The following SLCO1A2 variants were observed in gnomAD, a reference collection of about 807,000 sequenced individuals.
The protein encoded by SLCO1A2 is solute carrier organic anion transporter family member 1A2.
A neutral mutation model predicts 69.0 loss-of-function variants in SLCO1A2; 67 were observed. That is an observed-to-expected ratio of 0.97 (90% confidence interval 0.80 to 1.19). The LOEUF is 1.19. Among genes scored for constraint, SLCO1A2 ranks in the 50% most tolerant of loss-of-function variants. The pLI, the probability that SLCO1A2 is intolerant of heterozygous loss-of-function variation, is 0.00. For missense variants in SLCO1A2, 787 were observed against 793.7 expected (o/e 0.99, Z 0.10); for synonymous variants, 260 against 265.9 (o/e 0.98, Z 0.22).
At chr12:21,281,445 G>C (rs572998834) in intron 12 of SLCO1A2, among the ~76,000 whole-genome samples, 1 of 149,402 alleles carries the variant, frequency 6.7e-6, no homozygotes, top group Non-Finnish European at 1.5e-5. Context: ...GTGAGACTCC[G>C]TCTCAAAAAA....
At chr12:21,300,698 TA>T in intron 7 of SLCO1A2, 129 bp from the exon 8 acceptor site, 2 of 689,882 alleles carry the variant, frequency 2.9e-6, no homozygotes, top group Non-Finnish European at 4.6e-6. Flanking sequence ...CAGACACTGA[TA>T]AAATTTTTCT....
chr12:21,395,726 A>T (rs1040101299), upstream of SLCO1A2, among the ~76,000 whole-genome samples: 1 of 151,996 alleles, frequency 6.6e-6, no homozygotes, highest in African/African-American at 2.4e-5. Flanking sequence ...CTGACCCCCG[A>T]GCAGCCTAAC....
At chr12:21,278,931 G>A (rs2136148079) in intron 12 of SLCO1A2, among the ~76,000 whole-genome samples, 1 of 152,032 alleles carries the variant, frequency 6.6e-6, no homozygotes, top group Admixed American at 6.6e-5. Flanking sequence ...GCTATTTTGA[G>A]GAAACTCAAA....
At chr12:21,285,945 G>A (rs1427501884) in intron 12 of SLCO1A2, among the ~76,000 whole-genome samples, 3 of 152,028 alleles carry the variant, frequency 2.0e-5, no homozygotes, top group African/African-American at 7.2e-5. Context: ...TTGAAAACTG[G>A]CACAAGACAG....
At chr12:21,352,982 A>G (rs1938078664) in intron 2 of SLCO1A2, among the ~76,000 whole-genome samples, 1 of 152,236 alleles carries the variant, frequency 6.6e-6, no homozygotes, top group South Asian at 2.1e-4. Context: ...TTAGATTTCA[A>G]CTTTAATTAT....
intron 2 of SLCO1A2, among the ~76,000 whole-genome samples, chr12:21,353,973 T>C (rs1185765543): frequency 2.0e-5 from 3 of 152,222 alleles, no homozygotes; most frequent in Non-Finnish European, 4.4e-5. Context: ...ATTCTCCTGC[T>C]TACCACTTTC....
chr12:21,339,100 G>T (rs890233941), upstream of SLCO1A2, among the ~76,000 whole-genome samples: 1 of 151,956 alleles, frequency 6.6e-6, no homozygotes, highest in African/African-American at 2.4e-5. Context: ...TCCTTGCAGG[G>T]CTGCTGAAAT....
intron 2 of SLCO1A2, chr12:21,373,266 T>C: frequency 1.0e-6 from 1 of 956,744 alleles, no homozygotes; most frequent in Non-Finnish European, 1.7e-6. Flanking sequence ...AAAACTAAGC[T>C]CTAATTTAAA....
intron 11 of SLCO1A2, 137 bp from the exon 12 acceptor site, chr12:21,292,473 A>G (rs900369305): frequency 5.6e-6 from 3 of 531,484 alleles, no homozygotes; most frequent in African/African-American, 1.9e-5. Context: ...GTCTCTCAAG[A>G]TTACACCATA....
chr12:21,312,979 G>A (rs886476598), intron 4 of SLCO1A2, among the ~76,000 whole-genome samples: 2 of 152,084 alleles, frequency 1.3e-5, no homozygotes, highest in Non-Finnish European at 2.9e-5. Context: ...TCAGCCACTG[G>A]AGAGGCTGAA....
At chr12:21,314,436 C>A in intron 4 of SLCO1A2, 113 bp downstream of exon 4, 1 of 1,102,496 alleles carries the variant, frequency 9.1e-7, no homozygotes, top group Non-Finnish European at 1.3e-6. Flanking sequence ...TCTTCCCCTT[C>A]CCATTACAGT....
At chr12:21,395,195 G>C (rs551675615) in exon 1 of SLCO1A2, 1 of 153,386 alleles carries the variant, frequency 6.5e-6, no homozygotes, top group Non-Finnish European at 1.4e-5. Context: ...GCAGGGTGAG[G>C]CATTGCCTCA....
chr12:21,369,748 T>C (rs1939649888), intron 2 of SLCO1A2, among the ~76,000 whole-genome samples: 1 of 152,180 alleles, frequency 6.6e-6, no homozygotes, highest in East Asian at 1.9e-4. Context: ...AGCTCCCAGG[T>C]GATGCAAAAG....
intron 8 of SLCO1A2, among the ~76,000 whole-genome samples, chr12:21,298,438 TG>T (rs989533043): frequency 5.9e-5 from 9 of 152,180 alleles, no homozygotes; most frequent in African/African-American, 2.2e-4. Context: ...TCACTTTTCC[TG>T]TCCACATGTT....
At chr12:21,270,844 T>A (rs981056560) in intron 14 of SLCO1A2, among the ~76,000 whole-genome samples, 1 of 151,708 alleles carries the variant, frequency 6.6e-6, no homozygotes, top group Non-Finnish European at 1.5e-5. Context: ...GTTTTATTTG[T>A]GCCTCCTCTC....
chr12:21,297,606 G>A, intron 8 of SLCO1A2, 38 bp from the exon 9 acceptor site: 1 of 1,427,832 alleles, frequency 7.0e-7, no homozygotes, highest in Non-Finnish European at 9.3e-7. Context: ...AAACGAACTT[G>A]GCTTTGCATT....
In SLCO1A2 at chr12:21,318,851, T is replaced by C; in HGVS notation, c.133A>G (p.Thr45Ala). The C allele has an allele frequency of 6.2e-7, 1 of 1,611,614 alleles. No homozygotes were observed. The highest frequency in any genetic ancestry group is 8.5e-7 in the Non-Finnish European group (1 of 1,178,630). Reference sequence around the variant, plus strand: ...ATGTTGAATTGTCTCTCTATTTGTGTGAGCATGGAATTCATATAAGATCCA... The same window carrying C: ...ATGTTGAATTGTCTCTCTATTTGTGCGAGCATGGAATTCATATAAGATCCA... ...LSGSYMNSML[T>A]QIERQFNIPT... Residue 45 changes from threonine to alanine, a missense_variant, in exon 3 of 15, where the codon ACA becomes GCA. By Grantham distance (58) the Thr-to-Ala change is moderately conservative. Transcript: ENST00000683939.
chr12:21,365,240 C>T (rs547747381), intron 2 of SLCO1A2, among the ~76,000 whole-genome samples: 1 of 152,084 alleles, frequency 6.6e-6, no homozygotes, highest in Non-Finnish European at 1.5e-5. Flanking sequence ...AGAAATAATA[C>T]CACACATCTA....
chr12:21,407,969 C>T (rs1356434740), intron 1 of SLCO1A2, among the ~76,000 whole-genome samples: 1 of 152,110 alleles, frequency 6.6e-6, no homozygotes, highest in East Asian at 1.9e-4. Flanking sequence ...AAAATCTGCA[C>T]ACATTCAGAA....
Sources: gnomAD v4.1 joint callset for allele counts (sites outside exome capture counted in the v4.1 genomes callset) on GRCh38, gnomAD v4.1.1 for gene constraint, MANE v1.5 for transcripts, NCBI Gene and HGNC (gene_info 2026-07-23, HGNC 2026-07-21) for gene names.